RIMS2: variants seen among roughly 807,000 people sequenced by gnomAD.
The protein encoded by RIMS2 is regulating synaptic membrane exocytosis protein 2.
In RIMS2, 59 loss-of-function variants were observed where a neutral mutation model predicts 174.4. That is an observed-to-expected ratio of 0.34 (90% CI 0.27 to 0.42). RIMS2 has a LOEUF of 0.42. Among genes scored for constraint, RIMS2 ranks in the 10% least tolerant of loss-of-function variants. RIMS2 has a pLI of 1.00. For missense variants in RIMS2, 1,620 were observed against 1,666.3 expected, an observed-to-expected ratio of 0.97 and a Z score of 0.48; for synonymous variants, 606 against 572.5, an observed-to-expected ratio of 1.06 and a Z score of -0.84.
At chr8:104,022,789 A>C (rs1373543898) in intron 19 of RIMS2, among the ~76,000 whole-genome samples, 1 of 152,196 alleles carries the variant, frequency 6.6e-6, no homozygotes, top group African/African-American at 2.4e-5. Flanking sequence ...GTTTTTATAC[A>C]CACACTTATA....
At chr8:103,865,778 A>G (rs1411758451) in intron 3 of RIMS2, among the ~76,000 whole-genome samples, 1 of 152,150 alleles carries the variant, frequency 6.6e-6, no homozygotes, top group Admixed American at 6.5e-5. Flanking sequence ...TCTCTGATTA[A>G]CAGAAGCACT....
chr8:104,040,686 C>A (rs1415784318), intron 19 of RIMS2, among the ~76,000 whole-genome samples: 2 of 151,564 alleles, frequency 1.3e-5, no homozygotes, highest in Admixed American at 1.3e-4. Flanking sequence ...TGAAATGAAG[C>A]CATGTATTTC....
chr8:104,071,637 C>T (rs761683595), intron 19 of RIMS2, among the ~76,000 whole-genome samples: 11 of 152,214 alleles, frequency 7.2e-5, no homozygotes, highest in East Asian at 3.9e-4. Flanking sequence ...GGGGTTTCAC[C>T]GTGTTAGCCA....
intron 3 of RIMS2, among the ~76,000 whole-genome samples, chr8:103,863,626 A>T (rs2099069871): frequency 6.6e-6 from 1 of 151,210 alleles, no homozygotes; most frequent in African/African-American, 2.4e-5. Context: ...CAATTTCATT[A>T]TTCATTTCTG....
At chr8:103,571,263 CAAAAT>C (rs2092785690) in intron 1 of RIMS2, among the ~76,000 whole-genome samples, 1 of 152,142 alleles carries the variant, frequency 6.6e-6, no homozygotes, top group South Asian at 2.1e-4. Flanking sequence ...CTATGTTCAA[CAAAAT>C]AAAATTTCAA....
At chr8:103,900,609 A>G (rs1426278870) in intron 4 of RIMS2, among the ~76,000 whole-genome samples, 2 of 152,116 alleles carry the variant, frequency 1.3e-5, no homozygotes, top group African/African-American at 4.8e-5. Flanking sequence ...CTTATTTTCT[A>G]TATAACCCCA....
intron 1 of RIMS2, among the ~76,000 whole-genome samples, chr8:103,577,122 A>T (rs1563849615): frequency 6.6e-6 from 1 of 152,256 alleles, no homozygotes; most frequent in Non-Finnish European, 1.5e-5. Flanking sequence ...AGGAACTATC[A>T]TCAGAGTGAA....
At chr8:103,677,183 A>G (rs1007817104) in intron 1 of RIMS2, among the ~76,000 whole-genome samples, 1 of 152,118 alleles carries the variant, frequency 6.6e-6, no homozygotes, top group Non-Finnish European at 1.5e-5. Flanking sequence ...CCATTTTCAC[A>G]TGGAATCTTG....
chr8:103,963,515 C>A (rs62527129), intron 15 of RIMS2, among the ~76,000 whole-genome samples: 1 of 152,080 alleles, frequency 6.6e-6, no homozygotes, highest in Non-Finnish European at 1.5e-5. Flanking sequence ...TTAACTATGC[C>A]AGAAGTAATA....
chr8:103,698,630 G>A (rs1182720133), intron 2 of RIMS2, among the ~76,000 whole-genome samples: 1 of 151,934 alleles, frequency 6.6e-6, no homozygotes, highest in African/African-American at 2.4e-5. Context: ...TATATTAATG[G>A]ATTTGATTTG....
chr8:104,024,541 C>CTTT (rs138043362), intron 19 of RIMS2, among the ~76,000 whole-genome samples: 1 of 151,348 alleles, frequency 6.6e-6, no homozygotes, highest in Non-Finnish European at 1.5e-5. Flanking sequence ...CAACCGGTTT[C>CTTT]GTTGTTGTTG....
intron 19 of RIMS2, among the ~76,000 whole-genome samples, chr8:104,114,901 A>T (rs2098255432): frequency 6.6e-6 from 1 of 152,058 alleles, no homozygotes; most frequent in Non-Finnish European, 1.5e-5. Flanking sequence ...TCAAGCTTAC[A>T]TTGAAGGATT....
intron 3 of RIMS2, among the ~76,000 whole-genome samples, chr8:103,834,742 T>TTCTTTCTTTCTCTCTCTC (rs1406395709): frequency 1.5e-4 from 16 of 109,526 alleles, no homozygotes; most frequent in African/African-American, 6.8e-4. Flanking sequence ...CTTTCTTTCT[T>TTCTTTCTTTCTCTCTCTC]TCTCTCTCTT....
intron 2 of RIMS2, among the ~76,000 whole-genome samples, chr8:103,706,019 T>A (rs1295774877): frequency 6.6e-6 from 1 of 151,956 alleles, no homozygotes; most frequent in Non-Finnish European, 1.5e-5. Context: ...TAAGTCATTT[T>A]TTTTTCCTGG....
intron 1 of RIMS2, among the ~76,000 whole-genome samples, chr8:103,578,926 G>T (rs781685496): frequency 2.0e-5 from 3 of 152,084 alleles, no homozygotes; most frequent in African/African-American, 2.4e-5. Flanking sequence ...GAAGGTGGAG[G>T]TTGCACTGAG....
At chr8:103,561,639 T>C (rs912448907) in intron 1 of RIMS2, among the ~76,000 whole-genome samples, 1 of 152,224 alleles carries the variant, frequency 6.6e-6, no homozygotes, top group Non-Finnish European at 1.5e-5. Context: ...AGTGTGTTCC[T>C]ATTATATCTT....
At chr8:104,006,168 C>T (rs2095569016) in intron 17 of RIMS2, among the ~76,000 whole-genome samples, 1 of 152,084 alleles carries the variant, frequency 6.6e-6, no homozygotes, top group Non-Finnish European at 1.5e-5. Flanking sequence ...AATTTTCCTG[C>T]ATTTATTATT....
chr8:104,093,505 A>G (rs752184504), intron 19 of RIMS2: 2 of 1,597,354 alleles, frequency 1.3e-6, no homozygotes, highest in South Asian at 1.1e-5. Context: ...AGAGGGGCAG[A>G]TAATGTTTCT....
At chr8:104,064,816 G>A (rs1283578438) in intron 19 of RIMS2, among the ~76,000 whole-genome samples, 2 of 151,768 alleles carry the variant, frequency 1.3e-5, no homozygotes, top group Non-Finnish European at 2.9e-5. Context: ...AAAGAAATTG[G>A]GTTGTCCCAT....
Sources: allele counts gnomAD v4.1 joint callset (sites outside exome capture counted in the v4.1 genomes callset), GRCh38; gene constraint gnomAD v4.1.1; transcripts MANE v1.5; gene names NCBI Gene and HGNC (gene_info 2026-07-23, HGNC 2026-07-21).